RBFOX3: variants seen among roughly 807,000 people sequenced by gnomAD.
RBFOX3 encodes the protein RNA binding protein fox-1 homolog 3.
RBFOX3 carries 17 observed loss-of-function variants against 48.7 expected under a neutral mutation model. That is an observed-to-expected ratio of 0.35 (90% CI 0.24 to 0.52). RBFOX3 has a LOEUF of 0.52. Ranked by LOEUF, RBFOX3 falls within the 20% of genes least tolerant of loss-of-function variation. The pLI is 0.94. For synonymous variants in RBFOX3, 212 were observed against 209.5 expected (o/e 1.01, Z -0.10); for missense variants, 382 against 497.5 (o/e 0.77, Z 2.21).
At chr17:79,145,329 G>A (rs1020913213) in intron 4 of RBFOX3, among the ~76,000 whole-genome samples, 5 of 152,216 alleles carry the variant, frequency 3.3e-5, no homozygotes, top group African/African-American at 1.2e-4. Context: ...CCCGATGTGC[G>A]TGGCGGTTCT....
chr17:79,332,960 GAGAC>G (rs756275281), intron 2 of RBFOX3, among the ~76,000 whole-genome samples: 6 of 151,404 alleles, frequency 4.0e-5, no homozygotes, highest in Non-Finnish European at 5.9e-5. Flanking sequence ...GGGAGGGAAA[GAGAC>G]AGACAGAAAG....
At chr17:79,289,227 T>TA (rs1213812971) in intron 3 of RBFOX3, among the ~76,000 whole-genome samples, 1 of 152,194 alleles carries the variant, frequency 6.6e-6, no homozygotes, top group Non-Finnish European at 1.5e-5. Context: ...GTCGGCGGGT[T>TA]AGGTGTGGCA....
At position 79,101,561 on chromosome 17, in the gene RBFOX3, TGTG is replaced by T. The variant is rs777760538; in HGVS notation, c.568+20_568+22del. The T allele has an allele frequency of 1.3e-5, 20 of 1,546,586 alleles. No homozygotes were observed. Among genetic ancestry groups the T allele is most frequent in the Middle Eastern group, 1.7e-4 (1 of 6,008 alleles). ...TCCCAGCCAGTGACCCCAGCAGCCT[TGTG>T]GGGGGACCCAGCCCCTTACCGTTGG... On this transcript the variant is annotated intron_variant, in intron 9 of 14. Coordinates refer to ENST00000693108, the MANE Select transcript of RBFOX3 (RefSeq NM_001350451.2).
At chr17:79,649,070 A>G in the RBFOX3 span, among the ~76,000 whole-genome samples, 1 of 144,102 alleles carries the variant, frequency 6.9e-6, no homozygotes, top group African/African-American at 2.6e-5. Context: ...CCTCCACTTT[A>G]TGGGTTCAAG....
At chr17:79,174,601 TCACA>T (rs756129342) in intron 4 of RBFOX3, among the ~76,000 whole-genome samples, 1 of 149,958 alleles carries the variant, frequency 6.7e-6, no homozygotes, top group Non-Finnish European at 1.5e-5. Context: ...CACACACCAC[TCACA>T]CTGACACACA....
the RBFOX3 span, among the ~76,000 whole-genome samples, chr17:79,621,257 C>T: frequency 3.3e-5 from 5 of 152,268 alleles, no homozygotes; most frequent in African/African-American, 9.6e-5. Context: ...CCTCGGCCTC[C>T]CAAAGTGCTG....
rs1457826384 is a variant in RBFOX3, at chr17:79,391,902, T to TC, written c.-174-84079dup. Among the ~76,000 whole-genome samples, 2 of 151,400 alleles carry TC rather than the reference T, an allele frequency of 1.3e-5. No individual in the cohort carries two copies. Among genetic ancestry groups the TC allele is most frequent in the East Asian group, 3.9e-4 (2 of 5,158 alleles). On this transcript the variant is annotated intron_variant, in intron 2 of 14. Coordinates refer to ENST00000693108, the MANE Select transcript of RBFOX3 (RefSeq NM_001350451.2). The surrounding 1 kb of genome is among the most constrained non-coding windows in gnomAD (Gnocchi z 5.0). ...CAGGCTGGACAAGCCCCAGGTCCCC[T>TC]CCTTCCCGGTTCTGAAGCTCACAGG...
chr17:79,442,230 A>G (rs373295411), intron 2 of RBFOX3, among the ~76,000 whole-genome samples: 6,463 of 10,100 alleles, frequency 0.64, 1,725 homozygotes, highest in Middle Eastern at 0.78. Flanking sequence ...AGAGAGAGAG[A>G]GAGAGAGAGA....
At chr17:79,095,085 A>C (rs928881761) in intron 13 of RBFOX3, among the ~76,000 whole-genome samples, 2 of 152,002 alleles carry the variant, frequency 1.3e-5, no homozygotes, top group Non-Finnish European at 2.9e-5. Context: ...CGGGGCTGCC[A>C]GGAGGGAGGG....
At chr17:79,637,464 G>A in the RBFOX3 span, among the ~76,000 whole-genome samples, 2 of 151,876 alleles carry the variant, frequency 1.3e-5, no homozygotes, top group Non-Finnish European at 2.9e-5. Context: ...GAGGCTGAGG[G>A]GGGTGGATCA....
intron 2 of RBFOX3, among the ~76,000 whole-genome samples, chr17:79,432,921 C>T (rs918884033): frequency 2.0e-5 from 3 of 152,212 alleles, no homozygotes; most frequent in African/African-American, 4.8e-5. Flanking sequence ...GCGTGAAAGA[C>T]GTCCTTAAGT....
chr17:79,157,075 G>A lies in RBFOX3; in HGVS notation c.-33-41327C>T, dbSNP rs71386000. The stretch of plus-strand genomic sequence containing the variant: ...GGCCAGGGAGGCGGTGGAGGTGGCC[G>A]AAGGGCAGGGGCCTCTGGAGGGCCC... On this transcript the variant is annotated intron_variant, in intron 4 of 14. Transcript: ENST00000693108. Among the ~76,000 whole-genome samples the A allele has an allele frequency of 8.5e-5, 13 of 152,276 alleles. 1 individual carries two copies. The highest frequency in any genetic ancestry group is 1.9e-4 in the East Asian group (1 of 5,166).
At chr17:79,559,168 G>T (rs2091998939) in intron 1 of RBFOX3, among the ~76,000 whole-genome samples, 1 of 152,192 alleles carries the variant, frequency 6.6e-6, no homozygotes, top group African/African-American at 2.4e-5. Flanking sequence ...GGCGGGGGTT[G>T]TCTGTCTTTT....
chr17:79,317,393 CAGA>C (rs1224472619), intron 2 of RBFOX3, among the ~76,000 whole-genome samples: 1 of 152,228 alleles, frequency 6.6e-6, no homozygotes, highest in Non-Finnish European at 1.5e-5. Flanking sequence ...AACAAAGACG[CAGA>C]TTTGAGCTGG....
At chr17:79,646,397 T>C in the RBFOX3 span, among the ~76,000 whole-genome samples, 1 of 152,202 alleles carries the variant, frequency 6.6e-6, no homozygotes, top group African/African-American at 2.4e-5. Context: ...ACAGACTGGG[T>C]AATTGATAAA....
chr17:79,332,560 G>A (rs2080487410), intron 2 of RBFOX3, among the ~76,000 whole-genome samples: 1 of 152,012 alleles, frequency 6.6e-6, no homozygotes, highest in Non-Finnish European at 1.5e-5. Flanking sequence ...GAGAAGTGTG[G>A]GGGCGTGGGG....
At chr17:79,258,647 C>G (rs535414628) in intron 3 of RBFOX3, among the ~76,000 whole-genome samples, 1 of 152,102 alleles carries the variant, frequency 6.6e-6, no homozygotes, top group East Asian at 1.9e-4. Context: ...GGGAACGTGG[C>G]GAAGTTCTTC....
At chr17:79,514,415 C>A (rs1248762631) in intron 1 of RBFOX3, among the ~76,000 whole-genome samples, 1 of 152,252 alleles carries the variant, frequency 6.6e-6, no homozygotes, top group Non-Finnish European at 1.5e-5. Context: ...TCCTCTCACA[C>A]CTGCCAGGTA....
At chr17:79,486,083 G>A (rs111757619) in intron 1 of RBFOX3, among the ~76,000 whole-genome samples, 2,006 of 152,364 alleles carry the variant, frequency 0.013, 45 homozygotes, top group African/African-American at 0.046. Flanking sequence ...CCCCAGGCTT[G>A]TGGCTGGCAG....
Sources: gnomAD v4.1 joint callset for allele counts (sites outside exome capture counted in the v4.1 genomes callset) on GRCh38, gnomAD v4.1.1 for gene constraint, Gnocchi (gnomAD v3.1) non-coding constraint, MANE v1.5 for transcripts, NCBI Gene and HGNC (gene_info 2026-07-23, HGNC 2026-07-21) for gene names.